LPIN1: variants seen among roughly 807,000 people sequenced by gnomAD.
The protein encoded by LPIN1 is phosphatidate phosphatase LPIN1.
Under a neutral mutation model 107.5 loss-of-function variants are expected in LPIN1, and 71 were observed. The observed-to-expected ratio is 0.66, with a 90% CI of 0.55 to 0.80. The LOEUF (loss-of-function observed/expected upper bound fraction) is 0.80. Among genes scored for constraint, LPIN1 ranks in the 30% least tolerant of loss-of-function variants. The pLI, the probability that LPIN1 is intolerant of heterozygous loss-of-function variation, is 0.00. For missense variants in LPIN1, 1,043 were observed against 1,160.6 expected (o/e 0.90, Z 1.47); for synonymous variants, 445 against 452.6 (o/e 0.98, Z 0.21).
At chr2:11,698,897 C>A (rs1558728703) in intron 1 of LPIN1, among the ~76,000 whole-genome samples, 1 of 152,232 alleles carries the variant, frequency 6.6e-6, no homozygotes, top group Non-Finnish European at 1.5e-5. Context: ...AGAACTTGTG[C>A]CTCCTTCAAA....
chr2:11,795,112 C>T (rs1264470792), intron 13 of LPIN1, among the ~76,000 whole-genome samples: 1 of 152,328 alleles, frequency 6.6e-6, no homozygotes, highest in South Asian at 2.1e-4. Context: ...CAAGCATTTG[C>T]ATAAGCTACA....
chr2:11,759,448 A>G (rs549212693), intron 1 of LPIN1, among the ~76,000 whole-genome samples: 9 of 152,212 alleles, frequency 5.9e-5, no homozygotes, highest in South Asian at 4.1e-4. Flanking sequence ...CCCTTAATCC[A>G]TTTAACCCTG....
rs766714136 is a variant in LPIN1 at position 11,795,913 on chromosome 2, AC to A, written c.1886+427del. Among the ~76,000 whole-genome samples, 70 of 152,374 alleles carry A rather than the reference AC, an allele frequency of 4.6e-4. 1 individual carries two copies. The highest frequency in any genetic ancestry group is 8.7e-4 in the Non-Finnish European group (59 of 68,038). Reference sequence around the variant, plus strand: ...GTAATTTAAATACTGACCAGGACTTACGTTGATACTTTTAACATGGATTCAT... The same window carrying A: ...GTAATTTAAATACTGACCAGGACTTAGTTGATACTTTTAACATGGATTCAT... On this transcript the variant is annotated intron_variant, in intron 14 of 20. Transcript: ENST00000674199.
chr2:11,693,895 C>A (rs1167948061), intron 1 of LPIN1, among the ~76,000 whole-genome samples: 6 of 122,394 alleles, frequency 4.9e-5, no homozygotes, highest in Non-Finnish European at 9.5e-5. Context: ...AGTGCAATAG[C>A]AAGATCCCGG....
At position 11,771,409 on chromosome 2, in the gene LPIN1, T is replaced by A. The variant is rs753370614; in HGVS notation, c.326T>A (p.Leu109Gln). 2.7e-5 allele frequency: 43 copies of A among 1,614,218 alleles called. No homozygotes were observed. Among genetic ancestry groups the A allele is most frequent in the Non-Finnish European group, 3.6e-5 (42 of 1,180,036 alleles). Residue 109 changes from leucine (L) to glutamine (Q), a missense_variant, in exon 4 of 21, where the codon CTG (leucine) becomes CAG (glutamine). Physicochemically the swap from Leu to Gln is moderately radical, Grantham distance 113 (BLOSUM62 -2). Transcript: ENST00000674199. The surrounding 1 kb of genome is among the most constrained non-coding windows in gnomAD (Gnocchi z 4.8). Reference sequence around the variant, plus strand: ...ATGCACCTGGCCACCTCCCCCATCCTGTCAGAAGGAGCTTCGAGAATGGAA... The same window carrying A: ...ATGCACCTGGCCACCTCCCCCATCCAGTCAGAAGGAGCTTCGAGAATGGAA... ...IPMHLATSPI[L>Q]SEGASRMECQ... is the part of the protein sequence containing the mutation.
intron 1 of LPIN1, among the ~76,000 whole-genome samples, chr2:11,761,889 C>G (rs370084373): frequency 1.3e-5 from 2 of 152,160 alleles, no homozygotes; most frequent in East Asian, 3.9e-4. Context: ...GTGTGTGTGT[C>G]TCTTGCACGC....
At chr2:11,691,831 G>A (rs944188071) in intron 1 of LPIN1, among the ~76,000 whole-genome samples, 1 of 152,230 alleles carries the variant, frequency 6.6e-6, no homozygotes, top group Non-Finnish European at 1.5e-5. Flanking sequence ...CTTAGAAATA[G>A]GAATGTCTAA....
chr2:11,752,264 G>T (rs1667911577), intron 1 of LPIN1, among the ~76,000 whole-genome samples: 1 of 152,024 alleles, frequency 6.6e-6, no homozygotes, highest in South Asian at 2.1e-4. Context: ...CTTTTCATGG[G>T]CCCTGGGGTT....
In LPIN1 at chr2:11,786,435, G is replaced by T. The variant is rs1674592265; in HGVS notation, c.1550-639G>T. Reference sequence around the variant, plus strand: ...AGCCCAGCTGCCAGAGCCCGTCAAAGAACTGAGGGTCCGGGGCTGAGGTCT... The same window carrying T: ...AGCCCAGCTGCCAGAGCCCGTCAAATAACTGAGGGTCCGGGGCTGAGGTCT... On this transcript the variant is annotated intron_variant, in intron 10 of 20. Transcript: ENST00000674199. This position sits in a 1 kb window ranked among gnomAD's most constrained non-coding sequence, Gnocchi z 4.1. Among the ~76,000 whole-genome samples, 1 of 152,180 alleles carries T rather than the reference G, an allele frequency of 6.6e-6. No individual in the cohort carries two copies. Among genetic ancestry groups the T allele is most frequent in the African/African-American group, 2.4e-5 (1 of 41,452 alleles).
intron 18 of LPIN1, among the ~76,000 whole-genome samples, chr2:11,815,953 G>A (rs1680507098): frequency 6.6e-6 from 1 of 152,160 alleles, no homozygotes; most frequent in Admixed American, 6.5e-5. Flanking sequence ...ACCTCTCAAA[G>A]CAAAAGCTAT....
Position 11,765,785 on chromosome 2 carries a change from C to T in LPIN1, c.192+52C>T. The T allele has an allele frequency of 6.6e-7, 1 of 1,519,064 alleles. No individual in the cohort carries two copies. The highest frequency in any genetic ancestry group is 9.0e-7 in the Non-Finnish European group (1 of 1,110,384). 94.1% of individuals were successfully genotyped at this position (1,519,064 alleles called of 1,614,324 possible). On this transcript the variant is annotated intron_variant, in intron 2 of 20. Coordinates refer to ENST00000674199, the MANE Select transcript of LPIN1 (RefSeq NM_001349206.2). This position sits in a 1 kb window ranked among gnomAD's most constrained non-coding sequence, Gnocchi z 4.4. The stretch of plus-strand genomic sequence containing the variant: ...GCACCGGCTCTCCTTAGAGAATGCC[C>T]TTGTACTCTGGTGATGCCACCTGTC...
chr2:11,798,130 T>C (rs1677052011), intron 14 of LPIN1, among the ~76,000 whole-genome samples: 1 of 152,350 alleles, frequency 6.6e-6, no homozygotes, highest in Non-Finnish European at 1.5e-5. Context: ...TTCCTTTGCC[T>C]TCAGCCATGA....
intron 14 of LPIN1, among the ~76,000 whole-genome samples, chr2:11,800,160 C>A (rs1677441820): frequency 6.6e-6 from 1 of 152,216 alleles, no homozygotes. Context: ...TTTGCTGTGC[C>A]ATCGATGCCT....
rs199630662 is a variant in LPIN1, at chr2:11,791,644, TTTG to T, written c.1714-256_1714-254del. On this transcript the variant is annotated intron_variant, in intron 12 of 20. Coordinates refer to ENST00000674199, the MANE Select transcript of LPIN1 (RefSeq NM_001349206.2). ...CTAATGATTTCTAATGCTTTCTTTT[TTTG>T]TTGTTGTTGTTGTGTTGTATTTTAT... The T allele has an allele frequency of 0.014, 18,579 of 1,285,504 alleles. 215 individuals are homozygous for T. The highest frequency in any genetic ancestry group is 0.067 in the Middle Eastern group (202 of 3,036). The allele number at this position is 1,285,504 out of a possible 1,614,324, so 79.6% of individuals were successfully genotyped here.
intron 1 of LPIN1, among the ~76,000 whole-genome samples, chr2:11,686,238 T>C (rs574247385): frequency 1.3e-5 from 2 of 152,288 alleles, no homozygotes; most frequent in Admixed American, 1.3e-4. Context: ...TTCATCAATG[T>C]GCTGAGGATC....
At chr2:11,709,417 C>T (rs911433383) in intron 1 of LPIN1, among the ~76,000 whole-genome samples, 7 of 152,322 alleles carry the variant, frequency 4.6e-5, no homozygotes, top group Non-Finnish European at 8.8e-5. Flanking sequence ...AACAAGTTAG[C>T]GACACCAGCG....
At chr2:11,712,513 T>C (rs1255636768) in intron 1 of LPIN1, among the ~76,000 whole-genome samples, 1 of 152,204 alleles carries the variant, frequency 6.6e-6, no homozygotes, top group Non-Finnish European at 1.5e-5. Flanking sequence ...TGCATCTCAT[T>C]TGTTGCTGTG....
At chr2:11,717,989 T>C (rs1052753129) in intron 2 of LPIN1, among the ~76,000 whole-genome samples, 1 of 152,200 alleles carries the variant, frequency 6.6e-6, no homozygotes, top group Non-Finnish European at 1.5e-5. Flanking sequence ...TATCACACTC[T>C]CTAGTTTCCC....
intron 12 of LPIN1, among the ~76,000 whole-genome samples, chr2:11,789,186 G>C (rs555857148): frequency 6.6e-6 from 1 of 152,222 alleles, no homozygotes; most frequent in Non-Finnish European, 1.5e-5. Flanking sequence ...GGATGTTGCC[G>C]TCGGTCAGCC....
Sources: gnomAD v4.1 joint callset for allele counts (sites outside exome capture counted in the v4.1 genomes callset) on GRCh38, gnomAD v4.1.1 for gene constraint, Gnocchi (gnomAD v3.1) non-coding constraint, MANE v1.5 for transcripts, NCBI Gene and HGNC (gene_info 2026-07-23, HGNC 2026-07-21) for gene names.